The following IPMK variants were observed in gnomAD, a reference collection of about 807,000 sequenced individuals.
IPMK encodes the protein inositol polyphosphate multikinase.
A neutral mutation model predicts 45.8 loss-of-function variants in IPMK; 17 were observed. The ratio of observed to expected loss-of-function variants is 0.37; its 90% CI spans 0.25 to 0.56. The LOEUF (loss-of-function observed/expected upper bound fraction) is 0.56, where lower values mean the gene tolerates loss of function less well. IPMK is among the 20% of genes least tolerant of loss of function. The pLI, the probability that IPMK is intolerant of heterozygous loss-of-function variation, is 0.79. For synonymous variants in IPMK, 180 were observed against 184.3 expected (o/e 0.98, Z 0.19); for missense variants, 399 against 498.0 (o/e 0.80, Z 1.89).
At chr10:58,224,264 C>T (rs1202108058) in intron 3 of IPMK, among the ~76,000 whole-genome samples, 2 of 152,154 alleles carry the variant, frequency 1.3e-5, no homozygotes, top group African/African-American at 4.8e-5. Flanking sequence ...TGAAAACTCT[C>T]AATTTTTTCA....
rs117085649 is a variant in IPMK, at chr10:58,249,949, C to T, written c.191-12135G>A. Among the ~76,000 whole-genome samples, 528 of 152,292 alleles carry T rather than the reference C, an allele frequency of 3.5e-3. 2 individuals carry two copies. The highest frequency in any genetic ancestry group is 5.6e-3 in the Non-Finnish European group (378 of 68,028). On this transcript the variant is annotated intron_variant, in intron 1 of 5. Transcript: ENST00000373935. ...CCACTTATTGAAGACACCATCCCTT[C>T]CCCAATGTATGTGGCTTAGCACCTT...
intron 1 of IPMK, 34 bp downstream of exon 1, chr10:58,267,387 AG>A: frequency 1.2e-6 from 2 of 1,604,806 alleles, no homozygotes; most frequent in Non-Finnish European, 1.7e-6. Context: ...CACAGGCGGA[AG>A]GGGAGCGGCG....
At chr10:58,234,747 T>C (rs560377182) in intron 2 of IPMK, among the ~76,000 whole-genome samples, 3 of 152,332 alleles carry the variant, frequency 2.0e-5, no homozygotes, top group Non-Finnish European at 1.5e-5. Context: ...ATTCAGGATA[T>C]AGGCATGGGC....
intron 4 of IPMK, among the ~76,000 whole-genome samples, chr10:58,204,795 CAAAAT>C (rs945835538): frequency 6.6e-6 from 1 of 151,534 alleles, no homozygotes; most frequent in African/African-American, 2.4e-5. Context: ...GACCCAGTCT[CAAAAT>C]AAAATAAAAT....
Position 58,196,687 on chromosome 10 carries a change from A to C in IPMK, c.640T>G (p.Phe214Val), listed in dbSNP as rs988205742. ...KETIKDGVSR[F>V]FHNGYCLRKD... The stretch of plus-strand genomic sequence containing the variant: ...CTTAAGCAGTACCCATTATGAAAAA[A>C]TCTGGAGACTCCTATAAAAAGAAAA... Residue 214 changes from phenylalanine (F) to valine (V), a missense_variant, in exon 6 of 6, where the codon TTT becomes GTT. Coordinates refer to ENST00000373935, the MANE Select transcript of IPMK (RefSeq NM_152230.5). The C allele has an allele frequency of 6.4e-7, 1 of 1,571,884 alleles. No individual in the cohort carries two copies. Among genetic ancestry groups the C allele is most frequent in the African/African-American group, 1.4e-5 (1 of 72,452 alleles).
At chr10:58,233,136 C>T (rs982451839) in intron 2 of IPMK, among the ~76,000 whole-genome samples, 15 of 152,168 alleles carry the variant, frequency 9.9e-5, no homozygotes, top group Non-Finnish European at 8.8e-5. Context: ...CGTTGCACCT[C>T]TGAATAGACC....
intron 1 of IPMK, among the ~76,000 whole-genome samples, chr10:58,241,020 A>G (rs2590323): frequency 0.34 from 51,457 of 152,078 alleles, 10,952 homozygotes; most frequent in African/African-American, 0.61. Flanking sequence ...CCAAGAAACA[A>G]GTGACAAGCC....
chr10:58,267,369 G>A (rs2132271928), intron 1 of IPMK, 53 bp downstream of exon 1: 18 of 1,582,388 alleles, frequency 1.1e-5, no homozygotes, highest in East Asian at 4.5e-5. Context: ...CCGCTGACAG[G>A]GGGCTCGCAC....
At position 58,228,096 on chromosome 10, in the gene IPMK, G is replaced by T. The variant is rs1166930135; in HGVS notation, c.277-957C>A. Among the ~76,000 whole-genome samples, 8 of 152,170 alleles carry T rather than the reference G, an allele frequency of 5.3e-5. No homozygotes were observed. In the East Asian group the frequency reaches 1.5e-3, roughly 29 times the overall value. On this transcript the variant is annotated intron_variant, in intron 2 of 5. Coordinates refer to ENST00000373935, the MANE Select transcript of IPMK (RefSeq NM_152230.5). Reference sequence around the variant, plus strand: ...ATTCCCCTGTTGAAATGTTAGAAGTGATTCATATTAGTCACTTCCAGGCCA... The same window carrying T: ...ATTCCCCTGTTGAAATGTTAGAAGTTATTCATATTAGTCACTTCCAGGCCA...
chr10:58,208,600 T>C (rs1210380076), intron 4 of IPMK, among the ~76,000 whole-genome samples: 1 of 152,222 alleles, frequency 6.6e-6, no homozygotes, highest in Non-Finnish European at 1.5e-5. Context: ...AGACTCTGTA[T>C]GAGTTCCTTA....
At chr10:58,266,364 G>A (rs1437380021) in intron 1 of IPMK, among the ~76,000 whole-genome samples, 1 of 152,154 alleles carries the variant, frequency 6.6e-6, no homozygotes, top group Non-Finnish European at 1.5e-5. Context: ...AAAGCCTTGA[G>A]TTGTTTCAGC....
intron 3 of IPMK, among the ~76,000 whole-genome samples, chr10:58,221,172 C>T (rs1270472568): frequency 1.3e-5 from 2 of 152,028 alleles, no homozygotes; most frequent in Non-Finnish European, 2.9e-5. Context: ...TTGATTTCAC[C>T]TCAAGTTAAA....
At chr10:58,223,870 T>G (rs954754570) in intron 3 of IPMK, among the ~76,000 whole-genome samples, 5 of 152,196 alleles carry the variant, frequency 3.3e-5, no homozygotes, top group Non-Finnish European at 7.3e-5. Context: ...CCTGCCACCA[T>G]GTAAGACGTG....
intron 2 of IPMK, among the ~76,000 whole-genome samples, chr10:58,232,115 T>G (rs956730143): frequency 6.6e-6 from 1 of 152,064 alleles, no homozygotes; most frequent in Non-Finnish European, 1.5e-5. Flanking sequence ...ATCACTCAAT[T>G]CAACAAGAAG....
At chr10:58,248,810 G>C (rs1274808179) in intron 1 of IPMK, among the ~76,000 whole-genome samples, 1 of 152,098 alleles carries the variant, frequency 6.6e-6, no homozygotes, top group African/African-American at 2.4e-5. Context: ...TTCCATGCCT[G>C]GTTTATTTCA....
intron 2 of IPMK, among the ~76,000 whole-genome samples, chr10:58,234,753 T>C (rs527626002): frequency 6.6e-6 from 1 of 152,318 alleles, no homozygotes; most frequent in African/African-American, 2.4e-5. Flanking sequence ...GATATAGGCA[T>C]GGGCAAGGAA....
At chr10:58,231,376 T>C (rs1198201126) in intron 2 of IPMK, among the ~76,000 whole-genome samples, 4 of 151,984 alleles carry the variant, frequency 2.6e-5, no homozygotes, top group Non-Finnish European at 2.9e-5. Flanking sequence ...CACATAATTG[T>C]CAGATTCACC....
intron 1 of IPMK, among the ~76,000 whole-genome samples, chr10:58,240,730 AC>A (rs1396779218): frequency 2.0e-5 from 3 of 152,062 alleles, no homozygotes; most frequent in Middle Eastern, 3.2e-3. Context: ...GGGTTACCTT[AC>A]AAGGGGGTTA....
At chr10:58,197,300 A>AAAATAAATAAAT (rs200761885) in intron 5 of IPMK, among the ~76,000 whole-genome samples, 2 of 83,316 alleles carry the variant, frequency 2.4e-5, no homozygotes, top group African/African-American at 1.9e-4. Context: ...CTCCGTCTCA[A>AAAATAAATAAAT]AAATAAATAA....
Sources: gnomAD v4.1 joint callset for allele counts (sites outside exome capture counted in the v4.1 genomes callset) on GRCh38, gnomAD v4.1.1 for gene constraint, MANE v1.5 for transcripts, NCBI Gene and HGNC (gene_info 2026-07-23, HGNC 2026-07-21) for gene names.